Variants in DCAF8L2 observed in about 807,000 individuals in gnomAD.
DCAF8L2 encodes the protein DDB1 and CUL4 associated factor 8 like 2, also known as DDB1- and CUL4-associated factor 8-like protein 2.
For synonymous variants in DCAF8L2, 200 were observed against 190.9 expected (o/e 1.05, Z -0.39); for missense variants, 430 against 490.7 (o/e 0.88, Z 1.17).
chrX:27,724,911 T>C (rs1932018473), intron 4 of DCAF8L2, among the ~76,000 whole-genome samples: 1 of 111,029 alleles, frequency 9.0e-6, no homozygotes, highest in South Asian at 3.8e-4. Context: ...CTATATGACA[T>C]TACTATAAGT....
At chrX:27,645,010 C>T (rs1928885727) in intron 2 of DCAF8L2, among the ~76,000 whole-genome samples, 1 of 112,164 alleles carries the variant, frequency 8.9e-6, no homozygotes, top group Admixed American at 9.5e-5. Flanking sequence ...CCCGCCTCAG[C>T]CTCCTAAAGT....
the DCAF8L2 span, chrX:27,519,818 A>C: frequency 2.5e-6 from 1 of 393,785 alleles, no homozygotes; most frequent in East Asian, 4.0e-5. Context: ...AACAATTATC[A>C]TGTCATCTAT....
intron 3 of DCAF8L2, among the ~76,000 whole-genome samples, chrX:27,703,597 C>T (rs961617833): frequency 9.0e-6 from 1 of 110,701 alleles, no homozygotes; most frequent in Admixed American, 9.7e-5. Flanking sequence ...TTGAAAAGAG[C>T]GCCATGACAA....
the DCAF8L2 span, among the ~76,000 whole-genome samples, chrX:27,545,699 G>C: frequency 9.0e-6 from 1 of 111,675 alleles, no homozygotes; most frequent in Non-Finnish European, 1.9e-5. Context: ...TCCTGAGACT[G>C]GGTAATTTAT....
chrX:27,540,421 A>G, the DCAF8L2 span, among the ~76,000 whole-genome samples: 2 of 111,367 alleles, frequency 1.8e-5, no homozygotes, highest in Admixed American at 1.9e-4. Flanking sequence ...TTAAAAAAGA[A>G]ACATGGATGA....
chrX:27,512,788 A>AAAAAAAAAAAAAC, the DCAF8L2 span, among the ~76,000 whole-genome samples: 1 of 61,295 alleles, frequency 1.6e-5, no homozygotes, highest in African/African-American at 8.7e-5. Flanking sequence ...GCAAAAAAAA[A>AAAAAAAAAAAAAC]AAAAAAAAAA....
chrX:27,518,953 T>G, the DCAF8L2 span: 5 of 596,997 alleles, frequency 8.4e-6, no homozygotes, highest in African/African-American at 1.1e-4. Context: ...GGCACCTGAT[T>G]TTGTTTTTTA....
the DCAF8L2 span, among the ~76,000 whole-genome samples, chrX:27,505,644 T>C: frequency 9.0e-6 from 1 of 111,679 alleles, no homozygotes; most frequent in Non-Finnish European, 1.9e-5. Flanking sequence ...TCCTTGAATA[T>C]GGATTGAACC....
At chrX:27,725,614 A>C (rs1932044612) in intron 4 of DCAF8L2, among the ~76,000 whole-genome samples, 1 of 110,452 alleles carries the variant, frequency 9.1e-6, no homozygotes, top group Admixed American at 9.8e-5. Context: ...GGGTCCAATA[A>C]TATACATGGT....
At chrX:27,631,267 T>C (rs1490375780) in intron 1 of DCAF8L2, among the ~76,000 whole-genome samples, 5 of 111,896 alleles carry the variant, frequency 4.5e-5, no homozygotes, top group African/African-American at 1.6e-4. Flanking sequence ...AGGTCATAGA[T>C]GACAAGCTGA....
At chrX:27,492,786 T>C in the DCAF8L2 span, among the ~76,000 whole-genome samples, 1 of 112,518 alleles carries the variant, frequency 8.9e-6, no homozygotes, top group East Asian at 2.8e-4. Context: ...CGGTTCCATG[T>C]TTTATATGTT....
At chrX:27,523,925 G>T in the DCAF8L2 span, among the ~76,000 whole-genome samples, 2 of 110,893 alleles carry the variant, frequency 1.8e-5, no homozygotes, top group Non-Finnish European at 3.8e-5. Context: ...GCTTCATTCC[G>T]TTTGCCGGTA....
intron 1 of DCAF8L2, among the ~76,000 whole-genome samples, chrX:27,614,771 G>A (rs753728950): frequency 2.5e-4 from 28 of 111,684 alleles, no homozygotes; most frequent in Non-Finnish European, 4.9e-4. Flanking sequence ...TTTTGAGTGA[G>A]TTTCTTAATC....
intron 1 of DCAF8L2, among the ~76,000 whole-genome samples, chrX:27,593,544 G>T (rs1926215194): frequency 8.9e-6 from 1 of 111,861 alleles, no homozygotes; most frequent in South Asian, 3.8e-4. Flanking sequence ...GGCTGTTAGG[G>T]TGGCTGTCTT....
the DCAF8L2 span, among the ~76,000 whole-genome samples, chrX:27,487,204 C>A: frequency 8.9e-6 from 1 of 111,991 alleles, no homozygotes; most frequent in Non-Finnish European, 1.9e-5. Flanking sequence ...ACCAGTTATT[C>A]TCTTCTTCTT....
intron 2 of DCAF8L2, among the ~76,000 whole-genome samples, chrX:27,652,428 A>G (rs1373981464): frequency 1.8e-5 from 2 of 111,699 alleles, no homozygotes; most frequent in African/African-American, 6.5e-5. Context: ...TCTTAACAGC[A>G]TCAAGCAACA....
chrX:27,481,931 T>C, the DCAF8L2 span, among the ~76,000 whole-genome samples: 3 of 111,756 alleles, frequency 2.7e-5, no homozygotes, highest in African/African-American at 9.7e-5. Flanking sequence ...AAGAGTTGAT[T>C]TGGACATATT....
At chrX:27,571,195 A>C in the DCAF8L2 span, among the ~76,000 whole-genome samples, 2 of 111,681 alleles carry the variant, frequency 1.8e-5, no homozygotes, top group Non-Finnish European at 3.8e-5. Flanking sequence ...TGTTGAGGGA[A>C]GTAATTTCCT....
At chrX:27,607,439 A>G (rs1926960004) in intron 1 of DCAF8L2, among the ~76,000 whole-genome samples, 1 of 110,444 alleles carries the variant, frequency 9.1e-6, no homozygotes, top group Non-Finnish European at 1.9e-5. Context: ...TTGCTCTTAC[A>G]TTTTCGAGAA....
Sources: allele counts gnomAD v4.1 joint callset (sites outside exome capture counted in the v4.1 genomes callset), GRCh38; gene constraint gnomAD v4.1.1; transcripts MANE v1.5; gene names NCBI Gene and HGNC (gene_info 2026-07-23, HGNC 2026-07-21).